Variants in STAU2 observed in about 807,000 individuals in gnomAD.
STAU2 encodes the protein staufen double-stranded RNA binding protein 2.
Under a neutral mutation model 65.9 loss-of-function variants are expected in STAU2, and 20 were observed. That is an observed-to-expected ratio of 0.30 (90% confidence interval 0.21 to 0.44). The LOEUF (loss-of-function observed/expected upper bound fraction) is 0.44, where lower values mean the gene tolerates loss of function less well. STAU2 is among the 20% of genes least tolerant of loss of function. STAU2 has a pLI of 1.00. For missense variants in STAU2, 558 were observed against 683.9 expected, an observed-to-expected ratio of 0.82 and a Z score of 2.05; for synonymous variants, 232 against 233.9, an observed-to-expected ratio of 0.99 and a Z score of 0.07.
At position 73,421,378 on chromosome 8, in the gene STAU2, G is replaced by T; in HGVS notation, c.1707C>A (p.Ala569=). The T allele has an allele frequency of 6.5e-7, 1 of 1,537,222 alleles. No homozygotes were observed. The highest frequency in any genetic ancestry group is 8.7e-7 in the Non-Finnish European group (1 of 1,146,902). The change falls in exon 15 of 15, where the codon GCC becomes GCA. Residue 569 remains alanine (A), a synonymous_variant. Transcript: ENST00000524300. The stretch of plus-strand genomic sequence containing the variant: ...CCGCGGGTTCTGGGAGCTGCTAGAC[G>T]GCCGAGTTTGATTTCTTGCAGTCCT... The part of the protein sequence containing the change: ...IAQDCKKSNS[A]V
chr8:73,727,565 T>C lies in STAU2; in HGVS notation c.-18+10719A>G, dbSNP rs540289137. On this transcript the variant is annotated intron_variant, in intron 3 of 14. Transcript: ENST00000524300. ...TATCTGTACTTCATTTCTTTACTGCTAGACAATTTATGGAATACAGACTAC... is the reference window on the plus strand; with the variant it reads ...TATCTGTACTTCATTTCTTTACTGCCAGACAATTTATGGAATACAGACTAC... 4.6e-5 allele frequency among the ~76,000 whole-genome samples: 7 copies of C among 152,394 alleles called. No individual in the cohort carries two copies. The South Asian group carries it at 1.2e-3, about 27-fold the overall frequency.
intron 13 of STAU2, among the ~76,000 whole-genome samples, chr8:73,541,045 G>A (rs896056310): frequency 2.6e-5 from 4 of 152,172 alleles, no homozygotes; most frequent in Admixed American, 2.6e-4. Flanking sequence ...GGAGATCTTG[G>A]AAGGCCCAAT....
chr8:73,429,173 G>T (rs1223265347), intron 13 of STAU2, among the ~76,000 whole-genome samples: 1 of 152,130 alleles, frequency 6.6e-6, no homozygotes, highest in Non-Finnish European at 1.5e-5. Flanking sequence ...AGAGGCAGTG[G>T]TGACCGATTT....
chr8:73,541,394 G>A (rs1326939930), intron 13 of STAU2, among the ~76,000 whole-genome samples: 1 of 152,018 alleles, frequency 6.6e-6, no homozygotes, highest in Non-Finnish European at 1.5e-5. Flanking sequence ...ATCAGCTGAG[G>A]GATACCACCA....
intron 13 of STAU2, among the ~76,000 whole-genome samples, chr8:73,522,990 G>GTT (rs1375074834): frequency 6.6e-6 from 1 of 152,032 alleles, no homozygotes; most frequent in Non-Finnish European, 1.5e-5. Flanking sequence ...GAGGTCAGGA[G>GTT]TTCGAGACCA....
At chr8:73,745,459 T>G (rs977127539) in intron 1 of STAU2, among the ~76,000 whole-genome samples, 8 of 152,320 alleles carry the variant, frequency 5.3e-5, no homozygotes, top group African/African-American at 1.7e-4. Flanking sequence ...CCTCCAAGGT[T>G]ACTATCACCC....
At position 73,551,374 on chromosome 8, in the gene STAU2, A is replaced by T. The variant is rs961516420; in HGVS notation, c.1530+638T>A. 9.1e-6 allele frequency: 9 copies of T among 987,004 alleles called. No homozygotes were observed. In the African/African-American group the frequency reaches 1.4e-4, roughly 15 times the overall value. 61.1% of individuals were successfully genotyped at this position (987,004 alleles called of 1,614,324 possible). On this transcript the variant is annotated intron_variant, in intron 13 of 14. Transcript: ENST00000524300. ...CCAGTGAAACAGAATTGTTGGTACTATCTGAGGCAGGTGCTACCCTCCCTA... is the reference window on the plus strand; with the variant it reads ...CCAGTGAAACAGAATTGTTGGTACTTTCTGAGGCAGGTGCTACCCTCCCTA...
intron 13 of STAU2, among the ~76,000 whole-genome samples, chr8:73,503,580 A>T (rs1325725641): frequency 6.6e-6 from 1 of 151,114 alleles, no homozygotes; most frequent in African/African-American, 2.4e-5. Context: ...TTTTTGGCAC[A>T]TAGGGATACT....
At chr8:73,478,521 T>G (rs999542504) in intron 13 of STAU2, among the ~76,000 whole-genome samples, 3 of 152,036 alleles carry the variant, frequency 2.0e-5, no homozygotes, top group Non-Finnish European at 2.9e-5. Context: ...TACCTTGTCA[T>G]TAAGTCTCAA....
intron 9 of STAU2, among the ~76,000 whole-genome samples, chr8:73,606,622 C>G (rs1363945508): frequency 6.6e-6 from 1 of 152,168 alleles, no homozygotes; most frequent in Non-Finnish European, 1.5e-5. Flanking sequence ...TTGGAGTTAT[C>G]ACACACTGCT....
At position 73,700,805 on chromosome 8, in the gene STAU2, G is replaced by T. The variant is rs552381842; in HGVS notation, c.114+8227C>A. Among the ~76,000 whole-genome samples the T allele has an allele frequency of 8.4e-4, 128 of 152,164 alleles. 1 individual carries two copies. Among genetic ancestry groups the T allele is most frequent in the African/African-American group, 2.9e-3 (122 of 41,540 alleles). ...TTTATATGGAATCACAAAAGAACCAGAATAGCCAAAGCTATCCTGAGCAAA... is the reference window on the plus strand; with the variant it reads ...TTTATATGGAATCACAAAAGAACCATAATAGCCAAAGCTATCCTGAGCAAA... On this transcript the variant is annotated intron_variant, in intron 4 of 14. Transcript: ENST00000524300.
At chr8:73,440,566 C>A (rs1183185090) in intron 13 of STAU2, 1 of 152,244 alleles carries the variant, frequency 6.6e-6, no homozygotes, top group East Asian at 1.9e-4. Context: ...GAGGCTACTT[C>A]TCACCACATG....
intron 9 of STAU2, among the ~76,000 whole-genome samples, chr8:73,607,206 C>T (rs1372048956): frequency 6.6e-6 from 1 of 152,050 alleles, no homozygotes; most frequent in Non-Finnish European, 1.5e-5. Context: ...GAAAAACAAA[C>T]ATAGTAAAAC....
chr8:73,579,425 A>G (rs538910556), intron 12 of STAU2, among the ~76,000 whole-genome samples: 1 of 152,340 alleles, frequency 6.6e-6, no homozygotes, highest in South Asian at 2.1e-4. Context: ...TCAAGAAACT[A>G]TGAACCTGCT....
At chr8:73,675,041 A>G (rs1262981703) in intron 5 of STAU2, among the ~76,000 whole-genome samples, 1 of 151,746 alleles carries the variant, frequency 6.6e-6, no homozygotes, top group Non-Finnish European at 1.5e-5. Context: ...AGACCACATA[A>G]GCCACAAAAC....
intron 13 of STAU2, among the ~76,000 whole-genome samples, chr8:73,513,151 G>T (rs1373568260): frequency 6.6e-6 from 1 of 151,798 alleles, no homozygotes; most frequent in Non-Finnish European, 1.5e-5. Context: ...GGATTTTTAT[G>T]TTCTTCCCTC....
intron 12 of STAU2, among the ~76,000 whole-genome samples, chr8:73,570,146 T>C (rs1808939858): frequency 6.6e-6 from 1 of 152,212 alleles, no homozygotes; most frequent in South Asian, 2.1e-4. Context: ...CTGAAAACCA[T>C]GGCACAAGAA....
At chr8:73,516,321 G>C (rs926748870) in intron 13 of STAU2, among the ~76,000 whole-genome samples, 5 of 149,440 alleles carry the variant, frequency 3.3e-5, no homozygotes, top group Non-Finnish European at 7.4e-5. Context: ...CATCTATGGA[G>C]GGTAACAGAA....
intron 11 of STAU2, among the ~76,000 whole-genome samples, chr8:73,593,183 G>A (rs901327651): frequency 6.6e-6 from 1 of 151,930 alleles, no homozygotes; most frequent in Non-Finnish European, 1.5e-5. Flanking sequence ...AACAACTCTG[G>A]TTGCCTCCTG....
Sources: allele counts gnomAD v4.1 joint callset (sites outside exome capture counted in the v4.1 genomes callset), GRCh38; gene constraint gnomAD v4.1.1; transcripts MANE v1.5; gene names NCBI Gene and HGNC (gene_info 2026-07-23, HGNC 2026-07-21).